Variants in METTL27 observed in about 807,000 individuals in gnomAD.
METTL27 encodes methyltransferase-like protein 27.
METTL27 carries 29 observed loss-of-function variants against 24.5 expected under a neutral mutation model. That is an observed-to-expected ratio of 1.18 (90% CI 0.88 to 1.61). The LOEUF (loss-of-function observed/expected upper bound fraction) is 1.61, where lower values mean the gene tolerates loss of function less well. Ranked by LOEUF, METTL27 falls within the 40% of genes most tolerant of loss-of-function variation. The probability of loss-of-function intolerance (pLI) is 0.00; values close to 1 mark genes in which losing one functional copy is unlikely to be tolerated. For synonymous variants in METTL27, 138 were observed against 146.8 expected (o/e 0.94, Z 0.43); for missense variants, 341 against 324.3 (o/e 1.05, Z -0.40).
At chr7:73,840,698 G>A (rs533341311) in intron 3 of METTL27, 149 bp from the exon 4 acceptor site, 26 of 1,199,042 alleles carry the variant, frequency 2.2e-5, no homozygotes, top group Non-Finnish European at 2.8e-5. Flanking sequence ...TCTCTCTGTC[G>A]CCCAAACTGG....
Position 73,842,099 on chromosome 7 carries a change from C to A in METTL27, c.42G>T (p.Ala14=). The change falls in exon 2 of 6, where the codon GCG becomes GCT. Residue 14 remains alanine, a synonymous_variant. Transcript: ENST00000297873. ...EEGGSLPEVR[A]RVRAAHGIPD... ...GGATGCCATGCGCGGCCCTGACCCG[C>A]GCCCGCACCTCGGGCAGGCTCCCAC... is the stretch of plus-strand genomic sequence containing the variant. The A allele has an allele frequency of 6.2e-7, 1 of 1,613,618 alleles. No homozygotes were observed. Among genetic ancestry groups the A allele is most frequent in the Non-Finnish European group, 8.5e-7 (1 of 1,179,930 alleles).
At chr7:73,840,343 G>C (rs1322182786) in intron 4 of METTL27, 71 bp downstream of exon 4, 2 of 1,544,582 alleles carry the variant, frequency 1.3e-6, no homozygotes, top group African/African-American at 2.7e-5. Context: ...GTGGGAGAGG[G>C]ATGGAGGATC....
At chr7:73,839,740 T>C (rs782019154) in intron 5 of METTL27, 114 of 392,442 alleles carry the variant, frequency 2.9e-4, no homozygotes, top group Middle Eastern at 6.6e-4. Flanking sequence ...GGGGACTGGA[T>C]TGTAGCATTT....
At chr7:73,840,697 C>A in intron 3 of METTL27, 148 bp from the exon 4 acceptor site, 1 of 1,211,802 alleles carries the variant, frequency 8.3e-7, no homozygotes, top group South Asian at 1.6e-5. Flanking sequence ...CTCTCTCTGT[C>A]GCCCAAACTG....
At position 73,842,487 on chromosome 7, in the gene METTL27, C is replaced by G. The variant is rs1345281811; in HGVS notation, c.-5+3G>C. 5.3e-5 allele frequency: 14 copies of G among 264,814 alleles called. No homozygotes were observed. Among genetic ancestry groups the G allele is most frequent in the African/African-American group, 3.2e-4 (14 of 44,320 alleles). The allele number at this position is 264,814 out of a possible 1,614,324, so 16.4% of individuals were successfully genotyped here. On this transcript the variant is annotated splice_donor_region_variant and intron_variant, in intron 1 of 5. Coordinates refer to ENST00000297873, the MANE Select transcript of METTL27 (RefSeq NM_152559.3). ...CTCGAAGGAGGCCGGAGTCAGAACT[C>G]ACCGCCAATCCAGCGCGCCTCGGGC...
In METTL27 at chr7:73,840,520, A is replaced by C; in HGVS notation, c.282T>G (p.His94Gln). ...GCATCCCTGGGCTCCCATCCACCCCATGCAGCTGGAGGAAGCCTGGAGCCC... is the reference window on the plus strand; with the variant it reads ...GCATCCCTGGGCTCCCATCCACCCCCTGCAGCTGGAGGAAGCCTGGAGCCC... ...ELRAPGFLQLHGVDGSPGMLE... is the reference protein window; with the variant it reads ...ELRAPGFLQLQGVDGSPGMLE... Residue 94 changes from histidine (H) to glutamine (Q), a missense_variant, in exon 4 of 6, where the codon CAT (histidine) becomes CAG (glutamine). Transcript: ENST00000297873. 6.2e-7 allele frequency: 1 copy of C among 1,607,970 alleles called. No homozygotes were observed. Among genetic ancestry groups the C allele is most frequent in the Non-Finnish European group, 8.5e-7 (1 of 1,177,500 alleles).
chr7:73,841,145 T>G lies in METTL27; in HGVS notation c.177A>C (p.Thr59=). The part of the protein sequence containing the change: ...RAPRLAVDCL[T]QALPGPPHSA... ...TGTGGGGCGGGCCTGGAAGGGCTTG[T>G]GTGAGGCAGTCCACTGCGAGGCGGG... Residue 59 remains threonine, a synonymous_variant, in exon 3 of 6, where the codon ACA becomes ACC. Transcript: ENST00000297873. 1 of 1,544,308 alleles carries G rather than the reference T, an allele frequency of 6.5e-7. No homozygotes were observed. Among genetic ancestry groups the G allele is most frequent in the South Asian group, 1.3e-5 (1 of 79,794 alleles).
intron 5 of METTL27, among the ~76,000 whole-genome samples, chr7:73,837,744 T>G (rs782687828): frequency 1.3e-5 from 2 of 152,132 alleles, no homozygotes; most frequent in Non-Finnish European, 2.9e-5. Flanking sequence ...GTATTTTTTG[T>G]AGAGATGGGG....
chr7:73,837,681 A>G (rs1468275172), intron 5 of METTL27, among the ~76,000 whole-genome samples: 2 of 151,910 alleles, frequency 1.3e-5, no homozygotes, highest in Non-Finnish European at 2.9e-5. Flanking sequence ...CTCCTGTCTC[A>G]GCCTCCCTTG....
At chr7:73,839,055 G>A (rs144314685) in intron 5 of METTL27, among the ~76,000 whole-genome samples, 168 of 152,260 alleles carry the variant, frequency 1.1e-3, no homozygotes, top group African/African-American at 3.8e-3. Context: ...AGGCCAAGGC[G>A]GGCGATCACT....
In METTL27 at chr7:73,834,676, GC is replaced by G; in HGVS notation, c.*66del. Reference sequence around the variant, plus strand: ...CCATTTTACAGGGGAGGCAGAGGAGGCCCAGCAGATGGGCCCAGCTAAGGCC... The same window carrying G: ...CCATTTTACAGGGGAGGCAGAGGAGGCCAGCAGATGGGCCCAGCTAAGGCC... On this transcript the variant is annotated 3_prime_UTR_variant, in exon 6 of 6. Transcript: ENST00000297873. 1 of 1,439,414 alleles carries G rather than the reference GC, an allele frequency of 6.9e-7. No homozygotes were observed. Among genetic ancestry groups the G allele is most frequent in the Non-Finnish European group, 9.5e-7 (1 of 1,049,580 alleles). The allele number at this position is 1,439,414 out of a possible 1,614,324, so 89.2% of individuals were successfully genotyped here.
chr7:73,842,447 C>T (rs1775585958), intron 1 of METTL27, 43 bp downstream of exon 1: 2 of 358,468 alleles, frequency 5.6e-6, no homozygotes, highest in Non-Finnish European at 1.0e-5. Flanking sequence ...TGGGCGACAT[C>T]CGGAGCGAAA....
In METTL27 at chr7:73,840,007, G is replaced by A. The variant is rs545275714; in HGVS notation, c.478+24C>T. On this transcript the variant is annotated intron_variant, in intron 5 of 5. Coordinates refer to ENST00000297873, the MANE Select transcript of METTL27 (RefSeq NM_152559.3). ...AGGTATATGGTGACGGGGGTTGGGG[G>A]TGGTTGGCTGGGCTGCTCCTCACCT... The A allele has an allele frequency of 2.7e-5, 43 of 1,593,428 alleles. 1 individual carries two copies. The South Asian group carries it at 4.8e-4, about 18-fold the overall frequency.
At position 73,834,608 on chromosome 7, in the gene METTL27, A is replaced by G. The variant is rs1788105752; in HGVS notation, c.*135T>C. The G allele has an allele frequency of 2.8e-6, 2 of 724,748 alleles. No homozygotes were observed. Among genetic ancestry groups the G allele is most frequent in the Admixed American group, 2.8e-5 (1 of 35,748 alleles). 44.9% of individuals were successfully genotyped at this position (724,748 alleles called of 1,614,324 possible). A position where few individuals can be genotyped will look rare whatever the true frequency, so the allele number is the denominator to read the frequency against. On this transcript the variant is annotated 3_prime_UTR_variant, in exon 6 of 6. Coordinates refer to ENST00000297873, the MANE Select transcript of METTL27 (RefSeq NM_152559.3). Reference sequence around the variant, plus strand: ...GCCACTGTTTTCTGGGAGCTCATTTAATAGGCAGGGCATTTCTGAGGGGCA... The same window carrying G: ...GCCACTGTTTTCTGGGAGCTCATTTGATAGGCAGGGCATTTCTGAGGGGCA...
In METTL27 at chr7:73,834,660, A is replaced by C. The variant is rs1376944854; in HGVS notation, c.*83T>G. The stretch of plus-strand genomic sequence containing the variant: ...GGTTGGTTCGGAGGTCCCATTTTAC[A>C]GGGGAGGCAGAGGAGGCCCAGCAGA... On this transcript the variant is annotated 3_prime_UTR_variant, in exon 6 of 6. Transcript: ENST00000297873. 4 of 1,282,630 alleles carry C rather than the reference A, an allele frequency of 3.1e-6. No individual in the cohort carries two copies. The East Asian group carries it at 7.5e-5, about 24-fold the overall frequency. 79.5% of individuals were successfully genotyped at this position (1,282,630 alleles called of 1,614,324 possible). A position where few individuals can be genotyped will look rare whatever the true frequency, so the allele number is the denominator to read the frequency against.
At chr7:73,840,251 G>A in intron 4 of METTL27, 131 bp from the exon 5 acceptor site, 2 of 1,452,668 alleles carry the variant, frequency 1.4e-6, no homozygotes, top group Non-Finnish European at 1.8e-6. Context: ...AGGTCCCCTA[G>A]AGGATAAGGT....
Position 73,836,110 on chromosome 7 carries a change from C to T in METTL27, c.479-1108G>A, listed in dbSNP as rs1267013607. Among the ~76,000 whole-genome samples the T allele has an allele frequency of 3.9e-5, 6 of 152,096 alleles. No homozygotes were observed. In the East Asian group the frequency reaches 5.8e-4, roughly 15 times the overall value. ...GGGGTCAGCCCCCCGCCCCACCAGC[C>T]GCCCCATCCGGGAGGGAGGTGGGGG... On this transcript the variant is annotated intron_variant, in intron 5 of 5. Transcript: ENST00000297873.
chr7:73,835,946 C>T (rs1343968759), intron 5 of METTL27, among the ~76,000 whole-genome samples: 5 of 150,830 alleles, frequency 3.3e-5, no homozygotes, highest in Non-Finnish European at 5.9e-5. Flanking sequence ...CCGGCCGCCC[C>T]GTCTGAGAAG....
intron 2 of METTL27, among the ~76,000 whole-genome samples, 170 bp from the exon 3 acceptor site, chr7:73,841,368 G>A (rs1422388057): frequency 1.3e-5 from 2 of 152,142 alleles, no homozygotes; most frequent in Non-Finnish European, 2.9e-5. Context: ...ATTGCTAAAG[G>A]GCCAGGACTG....
Sources: gnomAD v4.1 joint callset for allele counts (sites outside exome capture counted in the v4.1 genomes callset) on GRCh38, gnomAD v4.1.1 for gene constraint, MANE v1.5 for transcripts, NCBI Gene and HGNC (gene_info 2026-07-23, HGNC 2026-07-21) for gene names.